BRWD1: variants seen among roughly 807,000 people sequenced by gnomAD.
The protein encoded by BRWD1 is bromodomain and WD repeat domain containing 1.
Under a neutral mutation model 251.2 loss-of-function variants are expected in BRWD1, and 82 were observed. The observed-to-expected ratio is 0.33, with a 90% CI of 0.27 to 0.39. The LOEUF (loss-of-function observed/expected upper bound fraction) is 0.39. Ranked by LOEUF, BRWD1 falls within the 10% of genes least tolerant of loss-of-function variation. BRWD1 has a pLI of 1.00. For synonymous variants in BRWD1, 918 were observed against 902.8 expected, an observed-to-expected ratio of 1.02 and a Z score of -0.30; for missense variants, 2,233 against 2,711.6, an observed-to-expected ratio of 0.82 and a Z score of 3.92.
chr21:39,199,034 T>C lies in BRWD1; in HGVS notation c.5382A>G (p.Glu1794=). 1.2e-6 allele frequency: 2 copies of C among 1,614,210 alleles called. No homozygotes were observed. Among genetic ancestry groups the C allele is most frequent in the Non-Finnish European group, 1.7e-6 (2 of 1,180,042 alleles). Residue 1794 remains glutamate (E), a synonymous_variant, in exon 40 of 41, where the codon GAA becomes GAG. Coordinates refer to ENST00000342449, the MANE Select transcript of BRWD1 (RefSeq NM_033656.4). The part of the protein sequence containing the change: ...AESISEEADS[E]PGRSGGRKYN... Reference sequence around the variant, plus strand: ...ATTTCCTACCACCAGATCTTCCTGGTTCAGAATCTGCTTCCTCTGAGATGC... The same window carrying C: ...ATTTCCTACCACCAGATCTTCCTGGCTCAGAATCTGCTTCCTCTGAGATGC...
intron 36 of BRWD1, among the ~76,000 whole-genome samples, chr21:39,206,969 G>A (rs1042131809): frequency 1.3e-5 from 2 of 152,118 alleles, no homozygotes; most frequent in Non-Finnish European, 2.9e-5. Context: ...GTGCATGGCA[G>A]TGGATGGCGA....
chr21:39,253,933 A>G (rs1445476554), intron 19 of BRWD1, among the ~76,000 whole-genome samples: 1 of 152,212 alleles, frequency 6.6e-6, no homozygotes, highest in Non-Finnish European at 1.5e-5. Flanking sequence ...TATCATTTCT[A>G]CACTTGATCT....
At chr21:39,199,725 T>A in intron 39 of BRWD1, 63 bp from the exon 40 acceptor site, 1 of 1,385,492 alleles carries the variant, frequency 7.2e-7, no homozygotes, top group Non-Finnish European at 9.8e-7. Context: ...TTTAAATGAC[T>A]ATTATTTTAA....
In BRWD1 at chr21:39,250,898, T is replaced by G; in HGVS notation, c.2256-9A>C. On this transcript the variant is annotated splice_polypyrimidine_tract_variant and intron_variant, in intron 19 of 40. Coordinates refer to ENST00000342449, the MANE Select transcript of BRWD1 (RefSeq NM_033656.4). ...GGAAGTCTTCCAGCTTCCTACAAAT[T>G]TAAATACCCAGTTATATTAACTACT... 1 of 1,546,364 alleles carries G rather than the reference T, an allele frequency of 6.5e-7. No homozygotes were observed. Among genetic ancestry groups the G allele is most frequent in the South Asian group, 1.2e-5 (1 of 84,796 alleles).
In BRWD1 at chr21:39,196,845, A is replaced by G. The variant is rs148595973; in HGVS notation, c.6224T>C (p.Leu2075Ser). The G allele has an allele frequency of 8.7e-5, 141 of 1,613,692 alleles. 2 individuals are homozygous for G. In the African/African-American group the frequency reaches 1.8e-3, roughly 20 times the overall value. ...ATTCTCTGCAGTAGCTTTTTGTGCC[A>G]AGGTTGACTCTGAAGAAAATGTCCT... ...TDRTFSSEST[L>S]AQKATAENNF... The change falls in exon 41 of 41, where the codon TTG becomes TCG. Residue 2075 changes from leucine (L) to serine (S), a missense_variant. By Grantham distance (145) the Leu-to-Ser change is moderately radical. Coordinates refer to ENST00000342449, the MANE Select transcript of BRWD1 (RefSeq NM_033656.4).
intron 19 of BRWD1, among the ~76,000 whole-genome samples, chr21:39,254,134 C>CTTAATGT (rs1218766184): frequency 1.3e-5 from 2 of 152,076 alleles, no homozygotes; most frequent in Non-Finnish European, 2.9e-5. Flanking sequence ...GGCGTGGTGG[C>CTTAATGT]GCATGCCTGT....
chr21:39,233,798 T>C (rs1255754621), intron 23 of BRWD1, among the ~76,000 whole-genome samples: 1 of 152,166 alleles, frequency 6.6e-6, no homozygotes, highest in Non-Finnish European at 1.5e-5. Flanking sequence ...GGCAGGTGGA[T>C]CACTTGAGGT....
chr21:39,314,652 G>C (rs555194950), upstream of BRWD1: 8 of 324,010 alleles, frequency 2.5e-5, no homozygotes, highest in African/African-American at 1.5e-4. Flanking sequence ...GGCCCCTAAA[G>C]TACAGCAGTA....
chr21:39,281,109 CAA>C (rs1245842362), intron 8 of BRWD1, among the ~76,000 whole-genome samples: 1 of 152,056 alleles, frequency 6.6e-6, no homozygotes, highest in East Asian at 1.9e-4. Context: ...TCTATATGAA[CAA>C]AGTGTTCATT....
intron 14 of BRWD1, 30 bp from the exon 15 acceptor site, chr21:39,270,063 A>G: frequency 6.7e-7 from 1 of 1,500,172 alleles, no homozygotes; most frequent in South Asian, 1.4e-5. Flanking sequence ...AACATTAAGG[A>G]GGGTTTACAA....
At chr21:39,255,584 A>G (rs2034538520) in intron 19 of BRWD1, 61 bp downstream of exon 19, 3 of 1,390,624 alleles carry the variant, frequency 2.2e-6, no homozygotes, top group Admixed American at 1.8e-5. Context: ...GAATGTGTAA[A>G]TAACCATATA....
intron 4 of BRWD1, among the ~76,000 whole-genome samples, chr21:39,303,081 G>A (rs959081227): frequency 2.4e-4 from 36 of 152,100 alleles, no homozygotes; most frequent in African/African-American, 5.3e-4. Flanking sequence ...AGCTCAAAGC[G>A]ACAGGATGGT....
In BRWD1 at chr21:39,218,581, A is replaced by G. The variant is rs771133648; in HGVS notation, c.3462T>C (p.Ala1154=). 13 of 1,612,562 alleles carry G rather than the reference A, an allele frequency of 8.1e-6. No individual in the cohort carries two copies. The African/African-American group carries it at 1.2e-4, about 15-fold the overall frequency. ...CTCTTGATTTCTGACCCCATTCACC[A>G]GCTTGTGGTTTATAGAGCAATTTCT... ...ELEKLLYKPQ[A]GEWGQKSRDE... Residue 1154 remains alanine (A), a synonymous_variant, in exon 30 of 41, where the codon GCT becomes GCC. Coordinates refer to ENST00000342449, the MANE Select transcript of BRWD1 (RefSeq NM_033656.4).
chr21:39,190,814 A>G lies in BRWD1; in HGVS notation c.*5445T>C. ...CACTGCAGTATGGCAGCATCAGGTCAAAAGACCATCAGAAATAATTCCATG... is the reference window on the plus strand; with the variant it reads ...CACTGCAGTATGGCAGCATCAGGTCGAAAGACCATCAGAAATAATTCCATG... On this transcript the variant is annotated 3_prime_UTR_variant, in exon 41 of 41. Coordinates refer to ENST00000342449, the MANE Select transcript of BRWD1 (RefSeq NM_033656.4). 1.0e-6 allele frequency: 1 copy of G among 985,382 alleles called. No homozygotes were observed. Among genetic ancestry groups the G allele is most frequent in the Non-Finnish European group, 1.2e-6 (1 of 829,888 alleles). The allele number at this position is 985,382 out of a possible 1,614,324, so 61.0% of individuals were successfully genotyped here.
At chr21:39,264,725 A>G in intron 16 of BRWD1, 40 bp from the exon 17 acceptor site, 1 of 1,518,196 alleles carries the variant, frequency 6.6e-7, no homozygotes, top group South Asian at 1.2e-5. Context: ...TTTAAGGTTC[A>G]CACATTTTAA....
At chr21:39,249,498 C>T (rs2034318519) in intron 20 of BRWD1, among the ~76,000 whole-genome samples, 1 of 151,962 alleles carries the variant, frequency 6.6e-6, no homozygotes, top group South Asian at 2.1e-4. Context: ...CAAAATCAGC[C>T]AAATAAAGTA....
At chr21:39,244,618 A>G (rs2034115384) in intron 21 of BRWD1, among the ~76,000 whole-genome samples, 1 of 152,112 alleles carries the variant, frequency 6.6e-6, no homozygotes, top group African/African-American at 2.4e-5. Flanking sequence ...TAATTAATGT[A>G]TTTCCACATC....
chr21:39,296,255 C>A lies in BRWD1; in HGVS notation c.448+10G>T. ...TTATTTCAGGCATCTCAAAGGCCAA[C>A]CTTACTTACCAAGATTTGGTGGGGA... On this transcript the variant is annotated intron_variant, in intron 6 of 40. Transcript: ENST00000342449. 6.3e-7 allele frequency: 1 copy of A among 1,581,742 alleles called. No homozygotes were observed. Among genetic ancestry groups the A allele is most frequent in the East Asian group, 2.3e-5 (1 of 43,848 alleles).
In BRWD1 at chr21:39,199,767, G is replaced by A. The variant is rs926213306; in HGVS notation, c.4754-105C>T. 1.2e-5 allele frequency: 14 copies of A among 1,174,776 alleles called. No individual in the cohort carries two copies. In the East Asian group the frequency reaches 3.3e-4, roughly 28 times the overall value. 72.8% of individuals were successfully genotyped at this position (1,174,776 alleles called of 1,614,324 possible). A position where few individuals can be genotyped will look rare whatever the true frequency, so the allele number is the denominator to read the frequency against. On this transcript the variant is annotated intron_variant, in intron 39 of 40. Transcript: ENST00000342449. ...TCTTCACTTTTTTGGGGGGCGGGGA[G>A]GAGACGGAGTTTCGCTCTTGTTGCC...
Sources: gnomAD v4.1 joint callset for allele counts (sites outside exome capture counted in the v4.1 genomes callset) on GRCh38, gnomAD v4.1.1 for gene constraint, MANE v1.5 for transcripts, NCBI Gene and HGNC (gene_info 2026-07-23, HGNC 2026-07-21) for gene names.